Variants in FRMD4A observed in about 807,000 individuals in gnomAD.
FRMD4A encodes the protein FERM domain-containing protein 4A.
FRMD4A carries 29 observed loss-of-function variants against 129.1 expected under a neutral mutation model. The ratio of observed to expected loss-of-function variants is 0.22; its 90% confidence interval spans 0.17 to 0.31. FRMD4A has a LOEUF of 0.31. FRMD4A is among the 10% of genes least tolerant of loss of function. The pLI, the probability that FRMD4A is intolerant of heterozygous loss-of-function variation, is 1.00. For missense variants in FRMD4A, 1,272 were observed against 1,375.8 expected, an observed-to-expected ratio of 0.92 and a Z score of 1.19; for synonymous variants, 634 against 571.6, an observed-to-expected ratio of 1.11 and a Z score of -1.56.
chr10:13,812,997 G>A (rs1343002), intron 3 of FRMD4A, among the ~76,000 whole-genome samples: 29,552 of 152,218 alleles, frequency 0.19, 2,955 homozygotes, highest in East Asian at 0.27. Context: ...GAAGTAGAAT[G>A]CAAGATGGGT....
At chr10:13,657,718 G>A (rs1227966126) in intron 21 of FRMD4A, among the ~76,000 whole-genome samples, 196 bp from the exon 22 acceptor site, 2 of 151,970 alleles carry the variant, frequency 1.3e-5, no homozygotes, top group South Asian at 4.2e-4. Flanking sequence ...GTGAACCTGG[G>A]GTCTCCACCA....
intron 2 of FRMD4A, among the ~76,000 whole-genome samples, chr10:14,211,554 A>G (rs548955479): frequency 2.6e-5 from 4 of 152,280 alleles, no homozygotes; most frequent in South Asian, 2.1e-4. Flanking sequence ...GCCAGTTCCT[A>G]TTTCTCTTAA....
intron 2 of FRMD4A, among the ~76,000 whole-genome samples, chr10:14,098,982 T>A (rs1837156992): frequency 1.3e-5 from 2 of 152,232 alleles, no homozygotes; most frequent in African/African-American, 4.8e-5. Context: ...CTGTTCTTCA[T>A]CTGAAAACAT....
chr10:14,050,934 A>C (rs1036173850), intron 2 of FRMD4A, among the ~76,000 whole-genome samples: 1 of 152,204 alleles, frequency 6.6e-6, no homozygotes, highest in South Asian at 2.1e-4. Context: ...CATTCTAGCA[A>C]ATGACTGAAA....
chr10:14,122,610 G>A (rs1838592206), intron 2 of FRMD4A, among the ~76,000 whole-genome samples: 1 of 146,002 alleles, frequency 6.8e-6, no homozygotes, highest in African/African-American at 2.5e-5. Context: ...GGGGTGGGGG[G>A]TAGGGGAGGG....
intron 2 of FRMD4A, among the ~76,000 whole-genome samples, chr10:13,956,963 C>G (rs2457848): frequency 0.51 from 77,610 of 152,112 alleles, 21,065 homozygotes; most frequent in East Asian, 0.84. Context: ...CTCCAGCCCC[C>G]ACACTGGGCA....
At chr10:14,158,745 A>C (rs1004220411) in intron 2 of FRMD4A, among the ~76,000 whole-genome samples, 2 of 151,166 alleles carry the variant, frequency 1.3e-5, no homozygotes, top group African/African-American at 4.9e-5. Flanking sequence ...GAGGAAAAGG[A>C]GGAGGAGGTG....
At chr10:14,060,409 TAAGAGAAAAA>T (rs1565220190) in intron 2 of FRMD4A, among the ~76,000 whole-genome samples, 1 of 152,126 alleles carries the variant, frequency 6.6e-6, no homozygotes, top group Non-Finnish European at 1.5e-5. Flanking sequence ...CTGTTTTGCA[TAAGAGAAAAA>T]TGGAAGCACA....
intron 2 of FRMD4A, among the ~76,000 whole-genome samples, chr10:14,166,593 T>C (rs761616392): frequency 2.0e-5 from 3 of 152,218 alleles, no homozygotes; most frequent in Admixed American, 6.5e-5. Context: ...CCAAAGTCAA[T>C]GTTCACCTCC....
intron 2 of FRMD4A, among the ~76,000 whole-genome samples, chr10:14,292,810 C>A (rs1348246053): frequency 5.3e-5 from 8 of 151,278 alleles, no homozygotes; most frequent in African/African-American, 1.7e-4. Flanking sequence ...AAAAAAAAAA[C>A]CAAAACATTT....
intron 2 of FRMD4A, among the ~76,000 whole-genome samples, chr10:14,089,641 A>AAC (rs1836534919): frequency 2.1e-5 from 2 of 93,776 alleles, no homozygotes; most frequent in South Asian, 7.7e-4. Context: ...AAAAAAAAAC[A>AAC]AACAAAAAAA....
At chr10:13,985,550 G>C (rs930005137) in intron 2 of FRMD4A, among the ~76,000 whole-genome samples, 7 of 152,230 alleles carry the variant, frequency 4.6e-5, no homozygotes, top group African/African-American at 7.2e-5. Flanking sequence ...TGGGATGCCG[G>C]AGAGAGAATA....
chr10:14,316,838 C>T (rs935362096), intron 2 of FRMD4A, among the ~76,000 whole-genome samples: 1 of 152,214 alleles, frequency 6.6e-6, no homozygotes, highest in African/African-American at 2.4e-5. Flanking sequence ...GGAACAACTC[C>T]ATCCTGGACT....
intron 2 of FRMD4A, among the ~76,000 whole-genome samples, chr10:13,922,461 G>A (rs1474052101): frequency 1.3e-5 from 2 of 152,120 alleles, no homozygotes; most frequent in African/African-American, 4.8e-5. Flanking sequence ...AACACAAAGA[G>A]GTTAAATGAC....
intron 16 of FRMD4A, among the ~76,000 whole-genome samples, chr10:13,672,253 A>G (rs1217364092): frequency 6.6e-6 from 1 of 152,158 alleles, no homozygotes; most frequent in Non-Finnish European, 1.5e-5. Flanking sequence ...ATGGCCAACT[A>G]TCTGAGTATC....
At chr10:14,191,814 TC>T (rs1842327614) in intron 2 of FRMD4A, among the ~76,000 whole-genome samples, 1 of 150,814 alleles carries the variant, frequency 6.6e-6, no homozygotes, top group South Asian at 2.1e-4. Context: ...TTTCTCTCTC[TC>T]TCTCTCTCTC....
intron 2 of FRMD4A, among the ~76,000 whole-genome samples, chr10:13,986,925 T>A (rs530183604): frequency 6.6e-6 from 1 of 152,158 alleles, no homozygotes. Context: ...TTCTCATACC[T>A]GTATGAGAAT....
At chr10:14,291,730 C>G (rs1845855428) in intron 2 of FRMD4A, among the ~76,000 whole-genome samples, 1 of 151,870 alleles carries the variant, frequency 6.6e-6, no homozygotes, top group African/African-American at 2.4e-5. Context: ...AAAAGCATTA[C>G]ATCTAAGAGT....
At chr10:14,294,451 T>G (rs946769670) in intron 2 of FRMD4A, among the ~76,000 whole-genome samples, 1 of 152,204 alleles carries the variant, frequency 6.6e-6, no homozygotes, top group African/African-American at 2.4e-5. Context: ...TTGCAGTAAA[T>G]GCAATATCTC....
Sources: gnomAD v4.1 joint callset for allele counts (sites outside exome capture counted in the v4.1 genomes callset) on GRCh38, gnomAD v4.1.1 for gene constraint, MANE v1.5 for transcripts, NCBI Gene and HGNC (gene_info 2026-07-23, HGNC 2026-07-21) for gene names.